Variants in HPS5 observed in about 807,000 individuals in gnomAD.
HPS5 encodes the protein BLOC-2 complex member HPS5.
HPS5 carries 83 observed loss-of-function variants against 128.0 expected under a neutral mutation model. That is an observed-to-expected ratio of 0.65 (90% CI 0.54 to 0.78). The LOEUF (loss-of-function observed/expected upper bound fraction) is 0.78. Ranked by LOEUF, HPS5 falls within the 30% of genes least tolerant of loss-of-function variation. HPS5 has a pLI of 0.00. For synonymous variants in HPS5, 475 were observed against 470.2 expected, an observed-to-expected ratio of 1.01 and a Z score of -0.13; for missense variants, 1,281 against 1,326.2, an observed-to-expected ratio of 0.97 and a Z score of 0.53.
At chr11:18,293,239 G>A (rs939137590) in intron 14 of HPS5, among the ~76,000 whole-genome samples, 3 of 151,874 alleles carry the variant, frequency 2.0e-5, no homozygotes, top group East Asian at 3.9e-4. Flanking sequence ...CATGATCTCC[G>A]CTCACTGCAA....
chr11:18,312,719 C>G (rs1387304296), intron 2 of HPS5, among the ~76,000 whole-genome samples: 1 of 152,312 alleles, frequency 6.6e-6, no homozygotes, highest in East Asian at 1.9e-4. Flanking sequence ...CTGTAGAAAG[C>G]CTTTGCCCTT....
At chr11:18,297,251 A>G (rs1439532604) in intron 11 of HPS5, among the ~76,000 whole-genome samples, 1 of 152,218 alleles carries the variant, frequency 6.6e-6, no homozygotes, top group African/African-American at 2.4e-5. Flanking sequence ...CCAGACCTGC[A>G]TTCAGGCTCA....
intron 20 of HPS5, among the ~76,000 whole-genome samples, chr11:18,284,725 G>A (rs3781945): frequency 0.36 from 55,168 of 152,060 alleles, 12,240 homozygotes; most frequent in Non-Finnish European, 0.49. Flanking sequence ...CATTATGAGG[G>A]AAAAGAAAGA....
In HPS5 at chr11:18,292,147, T is replaced by C. The variant is rs1166553366; in HGVS notation, c.1863-128A>G. On this transcript the variant is annotated intron_variant, in intron 15 of 22. Transcript: ENST00000349215. ...TGGAATAAACGTTACTTTTCAACTC[T>C]TTAAATAAAAACTATCTCAACAAGA... 4.3e-6 allele frequency: 3 copies of C among 701,918 alleles called. No homozygotes were observed. The African/African-American group carries it at 5.4e-5, about 13-fold the overall frequency. 43.5% of individuals were successfully genotyped at this position (701,918 alleles called of 1,614,324 possible). A position where few individuals can be genotyped will look rare whatever the true frequency, so the allele number is the denominator to read the frequency against.
Position 18,311,345 on chromosome 11 carries a change from T to C in HPS5, c.284+42A>G, listed in dbSNP as rs370962462. On this transcript the variant is annotated intron_variant, in intron 4 of 22. Transcript: ENST00000349215. ...AACAAACACATGTGTCAATTTAAAA[T>C]GCATTTGAAAAAGGACAGATAGTTT... The C allele has an allele frequency of 2.2e-6, 3 of 1,348,802 alleles. No homozygotes were observed. The African/African-American group carries it at 4.3e-5, about 19-fold the overall frequency. 83.6% of individuals were successfully genotyped at this position (1,348,802 alleles called of 1,614,324 possible). A position where few individuals can be genotyped will look rare whatever the true frequency, so the allele number is the denominator to read the frequency against.
intron 22 of HPS5, among the ~76,000 whole-genome samples, chr11:18,281,255 AT>A (rs1236371776): frequency 0.025 from 2,516 of 99,892 alleles, 119 homozygotes; most frequent in African/African-American, 0.07. Context: ...ATTTTTTTGC[AT>A]TTTTTTTTTT....
intron 1 of HPS5, among the ~76,000 whole-genome samples, chr11:18,320,473 T>C (rs931540181): frequency 6.6e-6 from 1 of 152,218 alleles, no homozygotes; most frequent in African/African-American, 2.4e-5. Context: ...CTCACTATTA[T>C]AAGGTTCTTT....
intron 2 of HPS5, 78 bp from the exon 3 acceptor site, chr11:18,312,102 A>G: frequency 9.2e-7 from 1 of 1,092,694 alleles, no homozygotes. Flanking sequence ...ATAAATACTG[A>G]GGATTTATGC....
In HPS5 at chr11:18,294,328, G is replaced by C. The variant is rs547644180; in HGVS notation, c.1784+692C>G. The stretch of plus-strand genomic sequence containing the variant: ...ATACTCATGTTACATGAGACAATTA[G>C]ATAATATAAAAGGTGGTCCTTTTGC... On this transcript the variant is annotated intron_variant, in intron 14 of 22. Coordinates refer to ENST00000349215, the MANE Select transcript of HPS5 (RefSeq NM_181507.2). Among the ~76,000 whole-genome samples, 62 of 152,172 alleles carry C rather than the reference G, an allele frequency of 4.1e-4. 1 individual carries two copies. Among genetic ancestry groups the C allele is most frequent in the African/African-American group, 1.3e-3 (52 of 41,518 alleles).
Position 18,306,164 on chromosome 11 carries a change from C to A in HPS5, c.795G>T (p.Ser265=), listed in dbSNP as rs371331168. The change falls in exon 7 of 23, where the codon TCG becomes TCT. Residue 265 remains serine (S), a synonymous_variant. Transcript: ENST00000349215. The part of the protein sequence containing the change: ...ISTHQFKKLL[S]LPPLPVITLR... The stretch of plus-strand genomic sequence containing the variant: ...GAGTAATCACAGGGAGAGGTGGCAA[C>A]GAGAGGAGTTTCTTGAACTGATGTG... The A allele has an allele frequency of 1.9e-6, 3 of 1,613,474 alleles. No homozygotes were observed. The highest frequency in any genetic ancestry group is 2.5e-6 in the Non-Finnish European group (3 of 1,179,572).
Position 18,311,733 on chromosome 11 carries a change from A to G in HPS5, c.219+181T>C, listed in dbSNP as rs113754587. ...ACCATGTTGGCCAGGCTGGTCTCCA[A>G]CTCCTGACCTCAGGTAATCCATCCG... On this transcript the variant is annotated intron_variant, in intron 3 of 22. Transcript: ENST00000349215. The G allele has an allele frequency of 0.019, 12,486 of 650,886 alleles. 192 individuals carry two copies. The highest frequency in any genetic ancestry group is 0.053 in the African/African-American group (2,929 of 55,218). 40.3% of individuals were successfully genotyped at this position (650,886 alleles called of 1,614,324 possible). A position where few individuals can be genotyped will look rare whatever the true frequency, so the allele number is the denominator to read the frequency against.
intron 6 of HPS5, 112 bp from the exon 7 acceptor site, chr11:18,306,459 C>A: frequency 1.4e-6 from 1 of 697,226 alleles, no homozygotes; most frequent in Admixed American, 2.3e-5. Flanking sequence ...CCTTCTCCTT[C>A]ATTCATATTA....
intron 2 of HPS5, among the ~76,000 whole-genome samples, 162 bp from the exon 3 acceptor site, chr11:18,312,186 A>T (rs1863098058): frequency 6.6e-6 from 1 of 152,242 alleles, no homozygotes. Flanking sequence ...GTTCTAGAAT[A>T]GTAAAAAATA....
At position 18,281,253 on chromosome 11, in the gene HPS5, GCA is replaced by G. The variant is rs1444200283; in HGVS notation, c.3329+695_3329+696del. Among the ~76,000 whole-genome samples, 120 of 128,642 alleles carry G rather than the reference GCA, an allele frequency of 9.3e-4. 2 individuals are homozygous for G. Among genetic ancestry groups the G allele is most frequent in the African/African-American group, 2.4e-3 (84 of 34,652 alleles). 84.4% of individuals were successfully genotyped at this position (128,642 alleles called of 152,430 possible). On this transcript the variant is annotated intron_variant, in intron 22 of 22. Coordinates refer to ENST00000349215, the MANE Select transcript of HPS5 (RefSeq NM_181507.2). The stretch of plus-strand genomic sequence containing the variant: ...GCCACCATGTCCAGTTAATTTTTTT[GCA>G]TTTTTTTTTTTTTTTTTTAGTAGAG...
chr11:18,288,236 A>G (rs1448213909), intron 16 of HPS5, among the ~76,000 whole-genome samples: 1 of 152,240 alleles, frequency 6.6e-6, no homozygotes, highest in African/African-American at 2.4e-5. Flanking sequence ...AAGCATATTA[A>G]AAGTTTTAAA....
chr11:18,299,291 G>T (rs895041675), intron 9 of HPS5, among the ~76,000 whole-genome samples: 2 of 152,202 alleles, frequency 1.3e-5, no homozygotes, highest in East Asian at 1.9e-4. Context: ...TATAAGGTTC[G>T]AGTGTTACAA....
At chr11:18,291,013 G>A (rs185563784) in intron 16 of HPS5, among the ~76,000 whole-genome samples, 105 of 152,312 alleles carry the variant, frequency 6.9e-4, no homozygotes, top group East Asian at 5.2e-3. Context: ...GAGGTCAGGC[G>A]TTTGAGACCA....
At chr11:18,308,817 A>G in intron 6 of HPS5, 129 bp downstream of exon 6, 1 of 833,596 alleles carries the variant, frequency 1.2e-6, no homozygotes, top group Admixed American at 2.7e-5. Flanking sequence ...CCCCATCTCA[A>G]AAAAAGAAAA....
At position 18,298,953 on chromosome 11, in the gene HPS5, C is replaced by G. The variant is rs746114670; in HGVS notation, c.1003G>C (p.Val335Leu). Residue 335 changes from valine to leucine, a missense_variant, in exon 10 of 23, where the codon GTC becomes CTC. Transcript: ENST00000349215. ...SEVKDIQDVA[V>L]CRNELFCLHL... is the part of the protein sequence containing the mutation. ...AAACAGAACAATTCATTCCTACAGACAGCCACATCCTGAATATCTACGAAA... is the reference window on the plus strand; with the variant it reads ...AAACAGAACAATTCATTCCTACAGAGAGCCACATCCTGAATATCTACGAAA... 1.7e-5 allele frequency: 27 copies of G among 1,614,048 alleles called. No individual in the cohort carries two copies. Among genetic ancestry groups the G allele is most frequent in the Non-Finnish European group, 8.5e-6 (10 of 1,180,012 alleles).
Sources: gnomAD v4.1 joint callset for allele counts (sites outside exome capture counted in the v4.1 genomes callset) on GRCh38, gnomAD v4.1.1 for gene constraint, MANE v1.5 for transcripts, NCBI Gene and HGNC (gene_info 2026-07-23, HGNC 2026-07-21) for gene names.